BRDT: variants seen among roughly 807,000 people sequenced by gnomAD.
The protein encoded by BRDT is bromodomain testis-specific protein.
In BRDT, 77 loss-of-function variants were observed where a neutral mutation model predicts 113.9. That is an observed-to-expected ratio of 0.68 (90% confidence interval 0.56 to 0.82). The LOEUF (loss-of-function observed/expected upper bound fraction) is 0.82, where lower values mean the gene tolerates loss of function less well. Ranked by LOEUF, BRDT falls within the 40% of genes least tolerant of loss-of-function variation. BRDT has a pLI of 0.00. For synonymous variants in BRDT, 358 were observed against 366.5 expected, an observed-to-expected ratio of 0.98 and a Z score of 0.26; for missense variants, 1,027 against 1,105.4, an observed-to-expected ratio of 0.93 and a Z score of 1.01.
chr1:91,970,972 AAAG>A (rs375189128), intron 4 of BRDT, among the ~76,000 whole-genome samples: 354 of 152,192 alleles, frequency 2.3e-3, no homozygotes, highest in African/African-American at 8.1e-3. Flanking sequence ...TTTACAAAGA[AAAG>A]AGGTTTATTT....
At position 91,964,730 on chromosome 1, in the gene BRDT, A is replaced by G; in HGVS notation, c.296A>G (p.Asn99Ser). The G allele has an allele frequency of 6.7e-7, 1 of 1,488,176 alleles. No individual in the cohort carries two copies. The highest frequency in any genetic ancestry group is 1.4e-5 in the South Asian group (1 of 70,522). 92.2% of individuals were successfully genotyped at this position (1,488,176 alleles called of 1,614,324 possible). Residue 99 changes from asparagine (N) to serine (S), a missense_variant, in exon 3 of 19, where the codon AAT becomes AGT. Coordinates refer to ENST00000399546, the MANE Select transcript of BRDT (RefSeq NM_207189.4). ...GCTTCAGAATGTATAGAAGACTTCA[A>G]TACAATGTTCTCAAATTGTTATTTA... Reference protein sequence around the residue: ...AKASECIEDFNTMFSNCYLYN... With the variant: ...AKASECIEDFSTMFSNCYLYN...
intron 1 of BRDT, among the ~76,000 whole-genome samples, chr1:91,953,760 A>T (rs1449038253): frequency 6.6e-6 from 1 of 152,214 alleles, no homozygotes; most frequent in East Asian, 1.9e-4. Flanking sequence ...ATTCAACCAT[A>T]GACTGATGTA....
At chr1:91,991,718 C>A (rs535139265) in intron 13 of BRDT, among the ~76,000 whole-genome samples, 1 of 152,144 alleles carries the variant, frequency 6.6e-6, no homozygotes, top group Admixed American at 6.5e-5. Context: ...AGTGGCCAGG[C>A]GAGGTGGCTC....
intron 12 of BRDT, among the ~76,000 whole-genome samples, chr1:91,984,764 T>C (rs1380436030): frequency 6.6e-6 from 1 of 152,110 alleles, no homozygotes; most frequent in Non-Finnish European, 1.5e-5. Context: ...GCCAAGTAGC[T>C]GGGCCTACAG....
chr1:91,995,778 A>G (rs1049993262), intron 15 of BRDT, among the ~76,000 whole-genome samples: 2 of 151,994 alleles, frequency 1.3e-5, no homozygotes, highest in African/African-American at 4.8e-5. Context: ...CTGTGATTAC[A>G]GGCATGTACC....
chr1:92,008,176 C>T (rs952025498), intron 18 of BRDT, among the ~76,000 whole-genome samples: 1 of 152,196 alleles, frequency 6.6e-6, no homozygotes, highest in Admixed American at 6.5e-5. Context: ...CCTCGGCCTC[C>T]CAAAGTGCTG....
Position 91,994,244 on chromosome 1 carries a change from GCCTC to G in BRDT, c.2282_2285del (p.Pro761GlnfsTer11), listed in dbSNP as rs747345115. 134 of 1,605,962 alleles carry G rather than the reference GCCTC, an allele frequency of 8.3e-5. No homozygotes were observed. The highest frequency in any genetic ancestry group is 1.1e-4 in the Non-Finnish European group (126 of 1,176,408). ...AAAACATTTCACCTTTACAAATTCT[GCCTC>G]CCTCAGGTAAGAAATTAACAAGTAA... On this transcript the variant is annotated frameshift_variant, in exon 15 of 19. Coordinates refer to ENST00000399546, the MANE Select transcript of BRDT (RefSeq NM_207189.4). LOFTEE classifies it high-confidence loss of function.
intron 16 of BRDT, among the ~76,000 whole-genome samples, chr1:92,002,870 T>G (rs3862906): frequency 0.7 from 106,977 of 152,060 alleles, 38,915 homozygotes; most frequent in Middle Eastern, 0.8. Flanking sequence ...TCTAGATGAT[T>G]GGGATACATT....
rs1463593498 is a variant in BRDT at position 91,977,175 on chromosome 1, A to G, written c.751A>G (p.Lys251Glu). ...GCCACCTATAAAAGAAAATATGCCA[A>G]AGAATGTTTTGCCAGATTCTCAGCA... ...ALPPIKENMP[K>E]NVLPDSQQQY... The change falls in exon 6 of 19, where the codon AAG becomes GAG. Residue 251 changes from lysine (K) to glutamate (E), a missense_variant. Transcript: ENST00000399546. The G allele has an allele frequency of 6.2e-7, 1 of 1,614,114 alleles. No individual in the cohort carries two copies. The highest frequency in any genetic ancestry group is 1.7e-4 in the Middle Eastern group (1 of 6,058).
intron 12 of BRDT, among the ~76,000 whole-genome samples, chr1:91,988,247 A>G (rs1217404374): frequency 6.6e-6 from 1 of 152,136 alleles, no homozygotes; most frequent in Non-Finnish European, 1.5e-5. Context: ...TTATAATTAG[A>G]ATATATGCCA....
chr1:91,954,806 T>TA (rs145246425), intron 1 of BRDT, among the ~76,000 whole-genome samples: 10,626 of 150,712 alleles, frequency 0.071, 400 homozygotes, highest in Non-Finnish European at 0.093. Flanking sequence ...CTAAAAAAAT[T>TA]AAAAAAATTA....
intron 18 of BRDT, among the ~76,000 whole-genome samples, chr1:92,011,766 A>G (rs1457908310): frequency 6.6e-6 from 1 of 152,172 alleles, no homozygotes; most frequent in African/African-American, 2.4e-5. Flanking sequence ...CTTGATAACT[A>G]ACAACCCGAC....
intron 4 of BRDT, among the ~76,000 whole-genome samples, chr1:91,969,328 G>C (rs1376504917): frequency 9.3e-6 from 1 of 107,392 alleles, no homozygotes; most frequent in Non-Finnish European, 2.0e-5. Flanking sequence ...TAGGTTCATG[G>C]CAGAGGTTGA....
chr1:91,980,963 A>G lies in BRDT; in HGVS notation c.1535A>G (p.Tyr512Cys). ...GAAGATAATGCTAAACCTATGAACTATGATGAGAAAAGGCAGTTAAGTCTG... is the reference window on the plus strand; with the variant it reads ...GAAGATAATGCTAAACCTATGAACTGTGATGAGAAAAGGCAGTTAAGTCTG... ...EDEDNAKPMN[Y>C]DEKRQLSLNI... The change falls in exon 10 of 19, where the codon TAT becomes TGT. Residue 512 changes from tyrosine (Y) to cysteine (C), a missense_variant. By Grantham distance (194) the Tyr-to-Cys change is radical. Coordinates refer to ENST00000399546, the MANE Select transcript of BRDT (RefSeq NM_207189.4). 2 of 1,614,084 alleles carry G rather than the reference A, an allele frequency of 1.2e-6. No individual in the cohort carries two copies. Among genetic ancestry groups the G allele is most frequent in the Non-Finnish European group, 1.7e-6 (2 of 1,179,984 alleles).
intron 1 of BRDT, among the ~76,000 whole-genome samples, chr1:91,960,768 G>T (rs2101552134): frequency 6.6e-6 from 1 of 152,316 alleles, no homozygotes; most frequent in Non-Finnish European, 1.5e-5. Context: ...TGCAGACAAA[G>T]ATAATATTGG....
At chr1:91,971,598 G>C (rs1046585254) in intron 4 of BRDT, among the ~76,000 whole-genome samples, 3 of 152,208 alleles carry the variant, frequency 2.0e-5, no homozygotes, top group African/African-American at 7.2e-5. Context: ...CTTGAGTGCT[G>C]ATTATGTACC....
chr1:91,978,330 C>T, intron 7 of BRDT, 34 bp downstream of exon 7: 1 of 1,609,102 alleles, frequency 6.2e-7, no homozygotes, highest in Non-Finnish European at 8.5e-7. Context: ...AGGTGTTTTT[C>T]CTCTGAACAT....
At position 91,977,168 on chromosome 1, in the gene BRDT, T is replaced by C; in HGVS notation, c.744T>C (p.Asn248=). 2 of 1,613,988 alleles carry C rather than the reference T, an allele frequency of 1.2e-6. No homozygotes were observed. The highest frequency in any genetic ancestry group is 2.2e-5 in the South Asian group (2 of 91,046). The change falls in exon 6 of 19, where the codon AAT becomes AAC. Residue 248 remains asparagine (N), a synonymous_variant. Coordinates refer to ENST00000399546, the MANE Select transcript of BRDT (RefSeq NM_207189.4). The part of the protein sequence containing the change: ...KSVALPPIKE[N]MPKNVLPDSQ... ...TGGCACTGCCACCTATAAAAGAAAATATGCCAAAGAATGTTTTGCCAGATT... is the reference window on the plus strand; with the variant it reads ...TGGCACTGCCACCTATAAAAGAAAACATGCCAAAGAATGTTTTGCCAGATT...
chr1:92,002,001 T>C (rs765913508), intron 15 of BRDT, 48 bp from the exon 16 acceptor site: 2 of 1,351,612 alleles, frequency 1.5e-6, no homozygotes, highest in Non-Finnish European at 1.0e-6. Context: ...TCTGGGTAAG[T>C]AGGATGAAAT....
Sources: gnomAD v4.1 joint callset for allele counts (sites outside exome capture counted in the v4.1 genomes callset) on GRCh38, gnomAD v4.1.1 for gene constraint, MANE v1.5 for transcripts, NCBI Gene and HGNC (gene_info 2026-07-23, HGNC 2026-07-21) for gene names.